CHD2: variants seen among roughly 807,000 people sequenced by gnomAD.
The protein encoded by CHD2 is chromodomain helicase DNA binding protein 2.
Under a neutral mutation model 243.9 loss-of-function variants are expected in CHD2, and 28 were observed. The observed-to-expected ratio is 0.11, with a 90% CI of 0.09 to 0.16. The LOEUF (loss-of-function observed/expected upper bound fraction) is 0.16. Ranked by LOEUF, CHD2 falls within the 10% of genes least tolerant of loss-of-function variation. The pLI, the probability that CHD2 is intolerant of heterozygous loss-of-function variation, is 1.00. For synonymous variants in CHD2, 775 were observed against 779.0 expected (o/e 0.99, Z 0.09); for missense variants, 1,386 against 2,209.8 (o/e 0.63, Z 7.47).
intron 38 of CHD2, among the ~76,000 whole-genome samples, chr15:93,023,400 G>A (rs1201693587): frequency 6.6e-6 from 1 of 152,152 alleles, no homozygotes; most frequent in Non-Finnish European, 1.5e-5. Flanking sequence ...ACCACATTTT[G>A]TTTATCCATT....
At chr15:93,010,018 A>G (rs777292103) in intron 35 of CHD2, among the ~76,000 whole-genome samples, 3 of 152,294 alleles carry the variant, frequency 2.0e-5, no homozygotes, top group East Asian at 1.9e-4. Flanking sequence ...GTCATCTTCT[A>G]TCCCTCAGCC....
chr15:92,944,199 C>T lies in CHD2; in HGVS notation c.1053-216C>T, dbSNP rs2053426685. 4 of 358,400 alleles carry T rather than the reference C, an allele frequency of 1.1e-5. No individual in the cohort carries two copies. In the East Asian group the frequency reaches 1.3e-4, roughly 11 times the overall value. 22.2% of individuals were successfully genotyped at this position (358,400 alleles called of 1,614,324 possible). On this transcript the variant is annotated intron_variant, in intron 9 of 38. Transcript: ENST00000394196. ...AGAGGCAGGTAACTGGTATATCCTT[C>T]TATGAGTGTAAGGTTTTCAGTGTTC... is the stretch of plus-strand genomic sequence containing the variant.
intron 2 of CHD2, among the ~76,000 whole-genome samples, chr15:92,908,491 G>C (rs1036077292): frequency 6.6e-6 from 1 of 152,116 alleles, no homozygotes; most frequent in Non-Finnish European, 1.5e-5. Flanking sequence ...AGACTGTGGA[G>C]AGCTTCTAAA....
At chr15:92,981,339 A>T (rs375179314) in intron 23 of CHD2, 26 bp from the exon 24 acceptor site, 1 of 1,562,806 alleles carries the variant, frequency 6.4e-7, no homozygotes, top group South Asian at 1.1e-5. Context: ...ATTTTATTCT[A>T]TTCGTGTTGG....
rs1246708178 is a variant in CHD2, at chr15:92,900,580, TC to T, written c.-314del. Reference sequence around the variant, plus strand: ...ACTGAGAGCCCAGGTCGTTGTTTTTTCCAGCTTAGAAGCCATGGCGCACCTC... The same window carrying T: ...ACTGAGAGCCCAGGTCGTTGTTTTTTCAGCTTAGAAGCCATGGCGCACCTC... On this transcript the variant is annotated 5_prime_UTR_variant, in exon 1 of 39. Transcript: ENST00000394196. 2.5e-6 allele frequency: 1 copy of T among 398,530 alleles called. No homozygotes were observed. The highest frequency in any genetic ancestry group is 4.4e-6 in the Non-Finnish European group (1 of 226,074). 24.7% of individuals were successfully genotyped at this position (398,530 alleles called of 1,614,324 possible). A position where few individuals can be genotyped will look rare whatever the true frequency, so the allele number is the denominator to read the frequency against.
At chr15:92,907,639 T>C (rs1023314353) in intron 2 of CHD2, among the ~76,000 whole-genome samples, 3 of 152,208 alleles carry the variant, frequency 2.0e-5, no homozygotes, top group Admixed American at 1.3e-4. Flanking sequence ...ATTGGACTTG[T>C]AATTTTCTCA....
chr15:92,964,548 A>G (rs1171618003), intron 16 of CHD2, among the ~76,000 whole-genome samples: 1 of 152,224 alleles, frequency 6.6e-6, no homozygotes, highest in East Asian at 1.9e-4. Flanking sequence ...CTCAAATGTT[A>G]CAGGCTATTG....
chr15:92,979,191 G>C lies in CHD2; in HGVS notation c.2784G>C (p.Arg928=). ...CTGTGGAGGAGGAGATCATAGAACGGGCCAAAAAGAAGATGGTATTAGATC... is the reference window on the plus strand; with the variant it reads ...CTGTGGAGGAGGAGATCATAGAACGCGCCAAAAAGAAGATGGTATTAGATC... The part of the protein sequence containing the change: ...KGTVEEEIIE[R]AKKKMVLDHL... Residue 928 remains arginine (R), a synonymous_variant, in exon 22 of 39, where the codon CGG becomes CGC. Transcript: ENST00000394196. The C allele has an allele frequency of 6.2e-7, 1 of 1,613,868 alleles. No individual in the cohort carries two copies. The highest frequency in any genetic ancestry group is 8.5e-7 in the Non-Finnish European group (1 of 1,179,978).
At chr15:92,932,007 C>T (rs1198785981) in intron 5 of CHD2, among the ~76,000 whole-genome samples, 13 of 151,958 alleles carry the variant, frequency 8.6e-5, no homozygotes, top group East Asian at 1.9e-4. Context: ...GGACTACAGG[C>T]GTGCGCCACC....
intron 38 of CHD2, among the ~76,000 whole-genome samples, chr15:93,022,422 C>T (rs1378168181): frequency 6.6e-6 from 1 of 152,200 alleles, no homozygotes; most frequent in African/African-American, 2.4e-5. Context: ...CCCACTACAA[C>T]ATTGGAGGTC....
intron 36 of CHD2, 45 bp from the exon 37 acceptor site, chr15:93,014,651 T>A (rs1201714445): frequency 6.4e-7 from 1 of 1,560,464 alleles, no homozygotes; most frequent in South Asian, 1.1e-5. Context: ...TCTGGGGAAT[T>A]AAGCCTGGGA....
intron 7 of CHD2, among the ~76,000 whole-genome samples, chr15:92,940,888 AT>A (rs1255469575): frequency 1.2e-5 from 1 of 86,908 alleles, no homozygotes; most frequent in Non-Finnish European, 2.4e-5. Context: ...ATAAATATAT[AT>A]AAAAATATAT....
At chr15:93,010,080 T>A (rs2054371508) in intron 35 of CHD2, among the ~76,000 whole-genome samples, 1 of 152,222 alleles carries the variant, frequency 6.6e-6, no homozygotes, top group South Asian at 2.1e-4. Context: ...CATCCAATGT[T>A]TGGTTTTCCA....
chr15:92,943,326 A>C lies in CHD2; in HGVS notation c.1052+258A>C, dbSNP rs552000968. 80 of 442,164 alleles carry C rather than the reference A, an allele frequency of 1.8e-4. 1 individual carries two copies. Among genetic ancestry groups the C allele is most frequent in the Non-Finnish European group, 2.6e-4 (63 of 240,590 alleles). 27.4% of individuals were successfully genotyped at this position (442,164 alleles called of 1,614,324 possible). On this transcript the variant is annotated intron_variant, in intron 9 of 38. Transcript: ENST00000394196. ...ATTCTTTAGTTTTCACAATAAGTGC[A>C]TGAGATTTGTACTGTTATTACCCAT...
In CHD2 at chr15:93,009,309, C is replaced by A. The variant is rs143876394; in HGVS notation, c.4578C>A (p.Ile1526=). The part of the protein sequence containing the change: ...CLKAYSDQEH[I]KLWRRNLWIF... ...AAGCCTACTCAGATCAGGAGCACAT[C>A]AAACTCTGGAGGAGGTAACCACTTT... The change falls in exon 35 of 39, where the codon ATC becomes ATA. Residue 1526 remains isoleucine (I), a synonymous_variant. Transcript: ENST00000394196. 5 of 1,614,076 alleles carry A rather than the reference C, an allele frequency of 3.1e-6. No individual in the cohort carries two copies. The Admixed American group carries it at 8.3e-5, about 27-fold the overall frequency.
At chr15:93,017,578 C>T (rs1471584218) in intron 37 of CHD2, among the ~76,000 whole-genome samples, 1 of 148,768 alleles carries the variant, frequency 6.7e-6, no homozygotes, top group Non-Finnish European at 1.5e-5. Context: ...AACTCCTGAC[C>T]TCAGGTGATC....
chr15:93,008,715 T>G (rs1469211554), intron 34 of CHD2, among the ~76,000 whole-genome samples: 2 of 152,230 alleles, frequency 1.3e-5, no homozygotes, highest in African/African-American at 4.8e-5. Flanking sequence ...GTTTACCATC[T>G]TATCTGGAAG....
Position 92,917,547 on chromosome 15 carries a change from C to T in CHD2, c.63-6774C>T, listed in dbSNP as rs560512711. Reference sequence around the variant, plus strand: ...CTGCACTCCAGCCTGGGCTACAGAGCGCGACTTGGTCTCAAAAAACAAACA... The same window carrying T: ...CTGCACTCCAGCCTGGGCTACAGAGTGCGACTTGGTCTCAAAAAACAAACA... On this transcript the variant is annotated intron_variant, in intron 2 of 38. Transcript: ENST00000394196. Among the ~76,000 whole-genome samples the T allele has an allele frequency of 6.6e-5, 10 of 152,158 alleles. No individual in the cohort carries two copies. The East Asian group carries it at 1.5e-3, about 23-fold the overall frequency.
chr15:92,970,818 T>A (rs913036770), intron 17 of CHD2, among the ~76,000 whole-genome samples: 1 of 152,124 alleles, frequency 6.6e-6, no homozygotes, highest in Non-Finnish European at 1.5e-5. Context: ...AGTTCTGGAG[T>A]GAAGACCTTG....
Sources: gnomAD v4.1 joint callset for allele counts (sites outside exome capture counted in the v4.1 genomes callset) on GRCh38, gnomAD v4.1.1 for gene constraint, MANE v1.5 for transcripts, NCBI Gene and HGNC (gene_info 2026-07-23, HGNC 2026-07-21) for gene names.